The following NOP9 variants were observed in gnomAD, a reference collection of about 807,000 sequenced individuals.
NOP9 encodes the protein nucleolar protein 9.
Under a neutral mutation model 63.0 loss-of-function variants are expected in NOP9, and 50 were observed. That is an observed-to-expected ratio of 0.79 (90% CI 0.63 to 1.00). The LOEUF is 1.00. Among genes scored for constraint, NOP9 ranks in the 50% least tolerant of loss-of-function variants. The pLI, the probability that NOP9 is intolerant of heterozygous loss-of-function variation, is 0.00. For missense variants in NOP9, 758 were observed against 803.0 expected, an observed-to-expected ratio of 0.94 and a Z score of 0.68; for synonymous variants, 343 against 332.8, an observed-to-expected ratio of 1.03 and a Z score of -0.33.
rs1417223383 is a variant in NOP9, at chr14:24,300,923, G to A, written c.697+66G>A. On this transcript the variant is annotated intron_variant, in intron 2 of 9. Transcript: ENST00000267425. ...AATTTAGAAAGTTCAGAATGAGACA[G>A]TAAACAGAAGAGTAAGTCTTCATGG... The A allele has an allele frequency of 2.3e-6, 3 of 1,304,502 alleles. No individual in the cohort carries two copies. In the East Asian group the frequency reaches 7.0e-5, roughly 30 times the overall value. 80.8% of individuals were successfully genotyped at this position (1,304,502 alleles called of 1,614,324 possible). A position where few individuals can be genotyped will look rare whatever the true frequency, so the allele number is the denominator to read the frequency against.
At chr14:24,302,938 A>G (rs1566412146) in intron 5 of NOP9, 136 bp from the exon 6 acceptor site, 13 of 1,102,724 alleles carry the variant, frequency 1.2e-5, no homozygotes, top group Non-Finnish European at 1.4e-5. Flanking sequence ...TATCTAGCCA[A>G]ACAAAAGTCC....
At chr14:24,294,893 G>A (rs549596195), upstream of NOP9, among the ~76,000 whole-genome samples, 4 of 152,312 alleles carry the variant, frequency 2.6e-5, no homozygotes, top group African/African-American at 4.8e-5. Context: ...ATGAGCTGAC[G>A]CTGCCTGGTG....
At position 24,302,327 on chromosome 14, in the gene NOP9, AG is replaced by A. The variant is rs1210995729; in HGVS notation, c.1048del (p.Glu350SerfsTer40). 1.9e-6 allele frequency: 3 copies of A among 1,614,068 alleles called. No homozygotes were observed. Among genetic ancestry groups the A allele is most frequent in the Non-Finnish European group, 1.7e-6 (2 of 1,180,006 alleles). On this transcript the variant is annotated frameshift_variant, in exon 5 of 10. Transcript: ENST00000267425. LOFTEE classifies it high-confidence loss of function. ...LEPPRLQSLF[E>X]EHLQGQLQTL... ...CCCCCAAGACTCCAGAGCCTCTTTG[AG>A]GAGCACTTGCAGGGGCAGCTGCAGA...
chr14:24,300,374 GTC>G, intron 1 of NOP9, 32 bp from the exon 2 acceptor site: 1 of 1,591,088 alleles, frequency 6.3e-7, no homozygotes, highest in Non-Finnish European at 8.6e-7. Flanking sequence ...TCTCTACTAA[GTC>G]TCTTCAAAGT....
intron 6 of NOP9, 119 bp downstream of exon 6, chr14:24,303,333 C>A: frequency 7.7e-7 from 1 of 1,296,098 alleles, no homozygotes; most frequent in South Asian, 1.2e-5. Context: ...CCAAGGAGTT[C>A]ACAGGAATGG....
rs2139145848 is a variant in NOP9 at position 24,306,664 on chromosome 14, T to C, written c.*1569T>C. ...CCGGCACTTTGATACCTCCTAAAGG[T>C]TGCAGCTCTCCGTGTTCTTCAGTTT... is the stretch of plus-strand genomic sequence containing the variant. On this transcript the variant is annotated 3_prime_UTR_variant, in exon 10 of 10. Transcript: ENST00000267425. 9.9e-7 allele frequency: 1 copy of C among 1,008,216 alleles called. No individual in the cohort carries two copies. The highest frequency in any genetic ancestry group is 1.5e-6 in the Non-Finnish European group (1 of 679,110). 62.5% of individuals were successfully genotyped at this position (1,008,216 alleles called of 1,614,324 possible).
the NOP9 span, among the ~76,000 whole-genome samples, chr14:24,280,718 C>T: frequency 6.6e-6 from 1 of 152,204 alleles, no homozygotes; most frequent in Non-Finnish European, 1.5e-5. Context: ...AGCAAATACA[C>T]ACCTAAGACA....
In NOP9 at chr14:24,302,283, G is replaced by A. The variant is rs1332639713; in HGVS notation, c.1002G>A (p.Gln334=). The change falls in exon 5 of 10, where the codon CAG becomes CAA. Residue 334 remains glutamine, a synonymous_variant. Transcript: ENST00000267425. ...RDQTSSRLLE[Q]VLLVLEPPRL... The stretch of plus-strand genomic sequence containing the variant: ...AGACGAGTTCCAGACTCCTGGAGCA[G>A]GTCCTGCTGGTGTTGGAGCCCCCAA... 1 of 1,614,156 alleles carries A rather than the reference G, an allele frequency of 6.2e-7. No individual in the cohort carries two copies. The highest frequency in any genetic ancestry group is 1.3e-5 in the African/African-American group (1 of 75,048).
the NOP9 span, among the ~76,000 whole-genome samples, chr14:24,273,577 C>A: frequency 1.3e-5 from 2 of 152,236 alleles, no homozygotes; most frequent in African/African-American, 4.8e-5. Flanking sequence ...GATCCTATAA[C>A]AAATTCTCGA....
chr14:24,274,415 G>T, the NOP9 span, among the ~76,000 whole-genome samples: 1 of 152,164 alleles, frequency 6.6e-6, no homozygotes, highest in African/African-American at 2.4e-5. Context: ...GTAATATGAC[G>T]TGAAGGTGGG....
the NOP9 span, among the ~76,000 whole-genome samples, chr14:24,281,352 G>C: frequency 1.5e-3 from 228 of 152,344 alleles, no homozygotes; most frequent in Non-Finnish European, 2.6e-3. Context: ...GAAGGGTGGA[G>C]CTCTCACCAA....
At chr14:24,273,716 C>T in the NOP9 span, among the ~76,000 whole-genome samples, 1 of 152,228 alleles carries the variant, frequency 6.6e-6, no homozygotes, top group African/African-American at 2.4e-5. Flanking sequence ...TGTGCACACA[C>T]ACAGAATTAC....
chr14:24,299,241 AAG>A (rs1452504835), upstream of NOP9: 1 of 1,070,002 alleles, frequency 9.3e-7, no homozygotes, highest in Non-Finnish European at 1.3e-6. Flanking sequence ...GAGCCAAGGT[AAG>A]AATCCTTTGA....
the NOP9 span, among the ~76,000 whole-genome samples, chr14:24,279,023 A>G: frequency 6.6e-6 from 1 of 152,250 alleles, no homozygotes; most frequent in African/African-American, 2.4e-5. Flanking sequence ...ACCAAAGACC[A>G]GAGAGTGGAT....
At position 24,300,665 on chromosome 14, in the gene NOP9, G is replaced by A; in HGVS notation, c.505G>A (p.Glu169Lys). 6.2e-7 allele frequency: 1 copy of A among 1,614,068 alleles called. No homozygotes were observed. The highest frequency in any genetic ancestry group is 1.7e-4 in the Middle Eastern group (1 of 6,060). Reference protein sequence around the residue: ...SAAEEEEEEEEDGKDGPTETL... With the variant: ...SAAEEEEEEEKDGKDGPTETL... Reference sequence around the variant, plus strand: ...TGCAGAGGAGGAGGAGGAGGAGGAGGAGGATGGAAAGGATGGTCCCACGGA... The same window carrying A: ...TGCAGAGGAGGAGGAGGAGGAGGAGAAGGATGGAAAGGATGGTCCCACGGA... Residue 169 changes from glutamate to lysine, a missense_variant, in exon 2 of 10, where the codon GAG becomes AAG. Physicochemically the swap from Glu to Lys is moderately conservative, Grantham distance 56. Coordinates refer to ENST00000267425, the MANE Select transcript of NOP9 (RefSeq NM_174913.3).
chr14:24,293,502 A>C, the NOP9 span: 1 of 152,236 alleles, frequency 6.6e-6, no homozygotes, highest in Non-Finnish European at 1.5e-5. Context: ...TGAGCCCAGG[A>C]GGCGGAGGTT....
Position 24,307,400 on chromosome 14 carries a change from C to T in NOP9, c.*2305C>T, listed in dbSNP as rs2041545352. 6.2e-7 allele frequency: 1 copy of T among 1,613,736 alleles called. No homozygotes were observed. Among genetic ancestry groups the T allele is most frequent in the Non-Finnish European group, 8.5e-7 (1 of 1,179,820 alleles). ...GCTAGCAGCTCCTGGCGGGTGGCAG[C>T]TGTCAGGCCTTTCCGGATGGTCCGC... On this transcript the variant is annotated 3_prime_UTR_variant, in exon 10 of 10. Coordinates refer to ENST00000267425, the MANE Select transcript of NOP9 (RefSeq NM_174913.3).
chr14:24,272,797 T>G, the NOP9 span, among the ~76,000 whole-genome samples: 2 of 152,218 alleles, frequency 1.3e-5, no homozygotes. Flanking sequence ...TTCCTAAATA[T>G]GTTAGCCTGT....
chr14:24,294,204 T>C, the NOP9 span: 6 of 152,224 alleles, frequency 3.9e-5, no homozygotes, highest in African/African-American at 1.4e-4. Context: ...AGACAGAAAC[T>C]ATAAAAGACT....
Sources: gnomAD v4.1 joint callset for allele counts (sites outside exome capture counted in the v4.1 genomes callset) on GRCh38, gnomAD v4.1.1 for gene constraint, MANE v1.5 for transcripts, NCBI Gene and HGNC (gene_info 2026-07-23, HGNC 2026-07-21) for gene names.